ARHGAP24: variants seen among roughly 807,000 people sequenced by gnomAD.
ARHGAP24 encodes Rho GTPase activating protein 24.
ARHGAP24 carries 50 observed loss-of-function variants against 76.4 expected under a neutral mutation model. The ratio of observed to expected loss-of-function variants is 0.65; its 90% CI spans 0.52 to 0.83. The LOEUF is 0.83. Ranked by LOEUF, ARHGAP24 falls within the 40% of genes least tolerant of loss-of-function variation. The pLI is 0.00. For missense variants in ARHGAP24, 930 were observed against 914.2 expected (o/e 1.02, Z -0.22); for synonymous variants, 345 against 323.3 (o/e 1.07, Z -0.72).
At chr4:85,610,451 CAAAAAAAAA>C (rs57348830) in intron 2 of ARHGAP24, among the ~76,000 whole-genome samples, 2 of 51,212 alleles carry the variant, frequency 3.9e-5, no homozygotes, top group Non-Finnish European at 6.4e-5. Context: ...ACTCCATCTA[CAAAAAAAAA>C]AAAAAAAAAA....
chr4:85,738,127 G>A (rs1725671343), intron 3 of ARHGAP24, among the ~76,000 whole-genome samples: 1 of 151,944 alleles, frequency 6.6e-6, no homozygotes, highest in Non-Finnish European at 1.5e-5. Flanking sequence ...CACCATGTTG[G>A]CCAGGCTCGT....
chr4:85,982,676 T>C (rs896678481), intron 8 of ARHGAP24, among the ~76,000 whole-genome samples: 5 of 152,202 alleles, frequency 3.3e-5, no homozygotes, highest in African/African-American at 1.2e-4. Flanking sequence ...ACAAGTTAGA[T>C]GTTTATTGTG....
At chr4:85,804,277 A>T (rs1169740948) in intron 3 of ARHGAP24, among the ~76,000 whole-genome samples, 1 of 152,196 alleles carries the variant, frequency 6.6e-6, no homozygotes, top group Non-Finnish European at 1.5e-5. Context: ...CCTTTGACCC[A>T]ATAACTTAGT....
rs553592025 is a variant in ARHGAP24 at position 85,596,851 on chromosome 4, G to T, written c.180+26130G>T. Among the ~76,000 whole-genome samples, 6 of 151,940 alleles carry T rather than the reference G, an allele frequency of 3.9e-5. No individual in the cohort carries two copies. In the East Asian group the frequency reaches 1.2e-3, roughly 29 times the overall value. On this transcript the variant is annotated intron_variant, in intron 2 of 9. Transcript: ENST00000395184. ...ATCCAATTTCAAGTTTACCATTACT[G>T]TTTTTCAACGTTATTCAAAATGTCC...
chr4:85,708,916 A>G (rs954057981), intron 2 of ARHGAP24, among the ~76,000 whole-genome samples: 1 of 152,188 alleles, frequency 6.6e-6, no homozygotes, highest in African/African-American at 2.4e-5. Context: ...TTTAATTTTA[A>G]TCTCCAAGTT....
At chr4:85,829,201 A>G (rs565420066) in intron 3 of ARHGAP24, among the ~76,000 whole-genome samples, 24 of 152,332 alleles carry the variant, frequency 1.6e-4, no homozygotes, top group African/African-American at 5.3e-4. Context: ...AGAAGGAAAA[A>G]AGGAAATTTA....
chr4:85,632,950 T>G (rs940080097), intron 2 of ARHGAP24, among the ~76,000 whole-genome samples: 1 of 151,970 alleles, frequency 6.6e-6, no homozygotes, highest in Non-Finnish European at 1.5e-5. Context: ...TTTTTCTTTT[T>G]GGTTTTGTTC....
intron 1 of ARHGAP24, among the ~76,000 whole-genome samples, chr4:85,503,432 G>C (rs1036947471): frequency 2.0e-5 from 3 of 152,018 alleles, no homozygotes; most frequent in Non-Finnish European, 4.4e-5. Context: ...TCTTCTTCCT[G>C]GTTTAGTCTT....
chr4:85,834,743 G>C (rs144505560), intron 3 of ARHGAP24, among the ~76,000 whole-genome samples: 2 of 152,324 alleles, frequency 1.3e-5, no homozygotes, highest in African/African-American at 2.4e-5. Context: ...CCTCAATCTA[G>C]AGTTGCTTTT....
intron 2 of ARHGAP24, among the ~76,000 whole-genome samples, chr4:85,713,988 A>T (rs1029647190): frequency 2.6e-5 from 4 of 152,138 alleles, no homozygotes; most frequent in Non-Finnish European, 5.9e-5. Context: ...TGAGAGTGTG[A>T]TTGTAGACTT....
intron 3 of ARHGAP24, among the ~76,000 whole-genome samples, chr4:85,878,927 A>G (rs1323196844): frequency 6.6e-6 from 1 of 152,194 alleles, no homozygotes; most frequent in Non-Finnish European, 1.5e-5. Context: ...GCTTTGAAGG[A>G]ATTGTATAAA....
intron 2 of ARHGAP24, among the ~76,000 whole-genome samples, chr4:85,668,251 G>GTAAT (rs779351408): frequency 6.6e-6 from 1 of 152,150 alleles, no homozygotes; most frequent in Non-Finnish European, 1.5e-5. Context: ...CTTATAATTT[G>GTAAT]TAATTTTCTC....
At chr4:85,998,944 A>C (rs946203742) in intron 9 of ARHGAP24, among the ~76,000 whole-genome samples, 18 of 152,260 alleles carry the variant, frequency 1.2e-4, no homozygotes, top group African/African-American at 4.1e-4. Flanking sequence ...TTATTGTTCT[A>C]TATTTCGGTT....
intron 3 of ARHGAP24, among the ~76,000 whole-genome samples, chr4:85,802,819 A>G (rs1389316594): frequency 6.6e-6 from 1 of 152,220 alleles, no homozygotes; most frequent in Non-Finnish European, 1.5e-5. Context: ...CAAAAAACCG[A>G]AACTTTAGTT....
chr4:85,873,622 G>A (rs952249727), intron 3 of ARHGAP24, among the ~76,000 whole-genome samples: 2 of 152,148 alleles, frequency 1.3e-5, no homozygotes, highest in Non-Finnish European at 2.9e-5. Flanking sequence ...GGGCAACCCC[G>A]TTCTTGTCTG....
intron 3 of ARHGAP24, among the ~76,000 whole-genome samples, chr4:85,750,468 CA>C (rs1398502816): frequency 2.2e-5 from 3 of 134,010 alleles, no homozygotes; most frequent in Admixed American, 7.6e-5. Flanking sequence ...AGGGGATTAA[CA>C]TGACTCTTTT....
At chr4:85,937,274 G>A (rs1321290779) in intron 4 of ARHGAP24, among the ~76,000 whole-genome samples, 1 of 152,192 alleles carries the variant, frequency 6.6e-6, no homozygotes, top group African/African-American at 2.4e-5. Context: ...TTGATTCTCA[G>A]ATGGCACTTC....
chr4:85,663,585 C>T (rs1319641806), intron 2 of ARHGAP24, among the ~76,000 whole-genome samples: 1 of 148,434 alleles, frequency 6.7e-6, no homozygotes, highest in Non-Finnish European at 1.5e-5. Flanking sequence ...GAGGGCATCC[C>T]TGTCTTGTGC....
rs551655240 is a variant in ARHGAP24 at position 85,834,470 on chromosome 4, T to G, written c.269-89178T>G. Among the ~76,000 whole-genome samples the G allele has an allele frequency of 2.0e-5, 3 of 152,308 alleles. No individual in the cohort carries two copies. The South Asian group carries it at 6.2e-4, about 32-fold the overall frequency. ...AGATATATCTATAATACTTCACCCATCTCGCCACTTGCCCCTGAAAATGAG... is the reference window on the plus strand; with the variant it reads ...AGATATATCTATAATACTTCACCCAGCTCGCCACTTGCCCCTGAAAATGAG... On this transcript the variant is annotated intron_variant, in intron 3 of 9. Transcript: ENST00000395184.
Sources: allele counts gnomAD v4.1 joint callset (sites outside exome capture counted in the v4.1 genomes callset), GRCh38; gene constraint gnomAD v4.1.1; transcripts MANE v1.5; gene names NCBI Gene and HGNC (gene_info 2026-07-23, HGNC 2026-07-21).